Variants in UNC13B observed in about 807,000 individuals in gnomAD.
The protein encoded by UNC13B is protein unc-13 homolog B.
UNC13B carries 144 observed loss-of-function variants against 211.0 expected under a neutral mutation model. That is an observed-to-expected ratio of 0.68 (90% CI 0.60 to 0.78). The LOEUF (loss-of-function observed/expected upper bound fraction) is 0.78. UNC13B is among the 30% of genes least tolerant of loss of function. The probability of loss-of-function intolerance (pLI) is 0.00; values close to 1 mark genes in which losing one functional copy is unlikely to be tolerated. For synonymous variants in UNC13B, 709 were observed against 725.8 expected, an observed-to-expected ratio of 0.98 and a Z score of 0.37; for missense variants, 1,777 against 2,002.0, an observed-to-expected ratio of 0.89 and a Z score of 2.14.
chr9:35,285,941 G>A (rs1828767025), intron 7 of UNC13B, among the ~76,000 whole-genome samples: 1 of 152,144 alleles, frequency 6.6e-6, no homozygotes, highest in Non-Finnish European at 1.5e-5. Context: ...AGTATTGGGA[G>A]TTTGGTGGTT....
At chr9:35,384,531 C>T (rs1315978253) in intron 22 of UNC13B, 4 of 985,344 alleles carry the variant, frequency 4.1e-6, no homozygotes, top group African/African-American at 3.5e-5. Flanking sequence ...TTTTTATAGA[C>T]AGTTGTCTTT....
chr9:35,191,793 T>C (rs1822674956), intron 1 of UNC13B, among the ~76,000 whole-genome samples: 1 of 152,194 alleles, frequency 6.6e-6, no homozygotes, highest in Non-Finnish European at 1.5e-5. Flanking sequence ...TGAAACAAGA[T>C]GGAGGCCTGT....
intron 1 of UNC13B, among the ~76,000 whole-genome samples, chr9:35,174,535 A>G (rs1425772556): frequency 6.7e-6 from 1 of 149,280 alleles, no homozygotes; most frequent in Non-Finnish European, 1.5e-5. Context: ...CGTGCTGGCC[A>G]GGCTAGTCTT....
chr9:35,230,014 T>G (rs1825106092), intron 2 of UNC13B, among the ~76,000 whole-genome samples: 1 of 152,168 alleles, frequency 6.6e-6, no homozygotes, highest in Non-Finnish European at 1.5e-5. Context: ...CCCCTAATCA[T>G]GGCTGATGTG....
chr9:35,164,791 TG>T (rs762965406), intron 1 of UNC13B, among the ~76,000 whole-genome samples: 10 of 152,260 alleles, frequency 6.6e-5, no homozygotes, highest in Non-Finnish European at 1.3e-4. Flanking sequence ...CTACTTTTTT[TG>T]TTGTTGAAAA....
Position 35,396,586 on chromosome 9 carries a change from G to A in UNC13B, c.11419G>A (p.Val3807Met). 6.2e-7 allele frequency: 1 copy of A among 1,614,054 alleles called. No individual in the cohort carries two copies. The change falls in exon 27 of 40, where the codon GTG becomes ATG. Residue 3807 changes from valine to methionine, a missense_variant. Coordinates refer to ENST00000635942, the MANE Select transcript of UNC13B (RefSeq NM_001371189.2). Reference protein sequence around the residue: ...VRDLPVLQGQVPEYPAWFEQF... With the variant: ...VRDLPVLQGQMPEYPAWFEQF... ...GGATCTGCCTGTCCTCCAGGGGCAG[G>A]TGCCTGAGTACCCAGCGTGAGTCAT...
intron 36 of UNC13B, among the ~76,000 whole-genome samples, 153 bp downstream of exon 36, chr9:35,399,882 G>C (rs1211235702): frequency 6.6e-6 from 1 of 152,148 alleles, no homozygotes. Flanking sequence ...ATCAGATATG[G>C]TTCCTAAATT....
chr9:35,376,103 G>A lies in UNC13B; in HGVS notation c.9691G>A (p.Val3231Ile), dbSNP rs752517847. ...ISCTTPHNFE[V>I]WTATTPTYCY... ...GTGCACCACTCCTCATAACTTTGAGGTCTGGACGGCCACTACCCCAACCTA... is the reference window on the plus strand; with the variant it reads ...GTGCACCACTCCTCATAACTTTGAGATCTGGACGGCCACTACCCCAACCTA... The change falls in exon 15 of 40, where the codon GTC (valine) becomes ATC (isoleucine). Residue 3231 changes from valine (V) to isoleucine (I), a missense_variant. By Grantham distance (29) the Val-to-Ile change is conservative (BLOSUM62 3). Coordinates refer to ENST00000635942, the MANE Select transcript of UNC13B (RefSeq NM_001371189.2). The A allele has an allele frequency of 6.8e-6, 11 of 1,614,246 alleles. No individual in the cohort carries two copies. The highest frequency in any genetic ancestry group is 9.3e-6 in the Non-Finnish European group (11 of 1,180,038).
intron 1 of UNC13B, among the ~76,000 whole-genome samples, chr9:35,198,072 A>G (rs764566355): frequency 6.6e-6 from 1 of 152,230 alleles, no homozygotes; most frequent in South Asian, 2.1e-4. Context: ...CACTTGGTGT[A>G]TATCTTTCCA....
chr9:35,303,946 A>G lies in UNC13B; in HGVS notation c.4542A>G (p.Ser1514=), dbSNP rs978230183. The G allele has an allele frequency of 1.3e-5, 5 of 398,722 alleles. No individual in the cohort carries two copies. Among genetic ancestry groups the G allele is most frequent in the African/African-American group, 1.0e-4 (5 of 48,640 alleles). The allele number at this position is 398,722 out of a possible 1,614,324, so 24.7% of individuals were successfully genotyped here. A position where few individuals can be genotyped will look rare whatever the true frequency, so the allele number is the denominator to read the frequency against. The change falls in exon 9 of 40, where the codon TCA becomes TCG. Residue 1514 remains serine (S), a synonymous_variant. Coordinates refer to ENST00000635942, the MANE Select transcript of UNC13B (RefSeq NM_001371189.2). ...SFGYEYQEWL[S]CLEHGVWWPS... ...GTTATGAGTACCAGGAATGGTTGTC[A>G]TGTCTTGAACATGGAGTGTGGTGGC...
intron 11 of UNC13B, among the ~76,000 whole-genome samples, chr9:35,364,382 A>G (rs931107614): frequency 1.3e-5 from 2 of 152,210 alleles, no homozygotes; most frequent in Admixed American, 6.5e-5. Flanking sequence ...AGGATTCTGG[A>G]AGCCAGTCAG....
intron 8 of UNC13B, among the ~76,000 whole-genome samples, chr9:35,297,626 G>A (rs901477781): frequency 7.1e-6 from 1 of 140,928 alleles, no homozygotes; most frequent in East Asian, 2.2e-4. Flanking sequence ...CTCGGCTCAC[G>A]GCAAGCTCCG....
At chr9:35,336,170 AT>A (rs1831644073) in intron 11 of UNC13B, among the ~76,000 whole-genome samples, 1 of 152,082 alleles carries the variant, frequency 6.6e-6, no homozygotes, top group Non-Finnish European at 1.5e-5. Context: ...GTCCTCTTTC[AT>A]GAGTTCCAGA....
Position 35,162,089 on chromosome 9 carries a change from T to G in UNC13B, c.-195T>G. On this transcript the variant is annotated 5_prime_UTR_variant, in exon 1 of 40. Transcript: ENST00000635942. ...CAGCCTGCCGGCCGGTACTCACCGC[T>G]ACCCGGAGTTCGCTCAGACGGTGAG... 1 of 790,398 alleles carries G rather than the reference T, an allele frequency of 1.3e-6. No homozygotes were observed. Among genetic ancestry groups the G allele is most frequent in the Non-Finnish European group, 2.0e-6 (1 of 501,146 alleles). 49.0% of individuals were successfully genotyped at this position (790,398 alleles called of 1,614,324 possible).
chr9:35,259,796 C>CTGGGG (rs1827149408), intron 7 of UNC13B, among the ~76,000 whole-genome samples: 1 of 14,074 alleles, frequency 7.1e-5, no homozygotes, highest in Non-Finnish European at 1.6e-4. Flanking sequence ...TAGGGGGATG[C>CTGGGG]GGGGGGGGGG....
intron 13 of UNC13B, among the ~76,000 whole-genome samples, chr9:35,370,926 G>A (rs569328976): frequency 7.2e-5 from 11 of 152,276 alleles, no homozygotes; most frequent in African/African-American, 2.6e-4. Context: ...AAGAGTTAAA[G>A]CTGATCCCAG....
chr9:35,171,034 T>A (rs1821305667), intron 1 of UNC13B, among the ~76,000 whole-genome samples: 1 of 152,094 alleles, frequency 6.6e-6, no homozygotes, highest in Non-Finnish European at 1.5e-5. Context: ...ATCTTCAACC[T>A]GTGGAGTCAA....
At chr9:35,353,684 G>A (rs754011196) in intron 11 of UNC13B, 15 of 1,231,988 alleles carry the variant, frequency 1.2e-5, no homozygotes, top group Middle Eastern at 3.1e-4. Context: ...TACAGAGACC[G>A]TTTACCTCAA....
intron 2 of UNC13B, among the ~76,000 whole-genome samples, chr9:35,230,489 A>T (rs921873951): frequency 1.1e-4 from 17 of 151,896 alleles, no homozygotes; most frequent in African/African-American, 3.9e-4. Context: ...AAAAAAAAAA[A>T]AAAGATTTCT....
Sources: allele counts gnomAD v4.1 joint callset (sites outside exome capture counted in the v4.1 genomes callset), GRCh38; gene constraint gnomAD v4.1.1; transcripts MANE v1.5; gene names NCBI Gene and HGNC (gene_info 2026-07-23, HGNC 2026-07-21).